Variants in ADCY2 observed in about 807,000 individuals in gnomAD.
ADCY2 encodes adenylate cyclase 2, also known as adenylate cyclase type 2.
ADCY2 carries 31 observed loss-of-function variants against 125.2 expected under a neutral mutation model. That is an observed-to-expected ratio of 0.25 (90% CI 0.19 to 0.33). The LOEUF (loss-of-function observed/expected upper bound fraction) is 0.33, where lower values mean the gene tolerates loss of function less well. ADCY2 is among the 10% of genes least tolerant of loss of function. ADCY2 has a pLI of 1.00. For synonymous variants in ADCY2, 512 were observed against 548.4 expected (o/e 0.93, Z 0.93); for missense variants, 904 against 1,418.2 (o/e 0.64, Z 5.82).
At chr5:7,799,577 G>A (rs764987305) in intron 20 of ADCY2, 1 of 152,286 alleles carries the variant, frequency 6.6e-6, no homozygotes, top group Non-Finnish European at 1.5e-5. Context: ...CTCCCCAGAA[G>A]CATTCACGGC....
intron 3 of ADCY2, among the ~76,000 whole-genome samples, chr5:7,542,705 T>G (rs1735031135): frequency 6.6e-6 from 1 of 152,248 alleles, no homozygotes; most frequent in South Asian, 2.1e-4. Flanking sequence ...TCAGCTGATT[T>G]GGTGAGGCCT....
At chr5:7,434,284 G>C (rs998952614) in intron 2 of ADCY2, among the ~76,000 whole-genome samples, 1 of 152,158 alleles carries the variant, frequency 6.6e-6, no homozygotes, top group Admixed American at 6.5e-5. Flanking sequence ...AATCAGTTGG[G>C]AACTAGATAA....
At chr5:7,527,692 T>C (rs1318767419) in intron 3 of ADCY2, among the ~76,000 whole-genome samples, 1 of 152,260 alleles carries the variant, frequency 6.6e-6, no homozygotes, top group African/African-American at 2.4e-5. Context: ...TTAATATATT[T>C]AAGTTGTGAT....
rs140453146 is a variant in ADCY2 at position 7,551,209 on chromosome 5, A to G, written c.570+30310A>G. 5.2e-4 allele frequency among the ~76,000 whole-genome samples: 76 copies of G among 147,572 alleles called. No homozygotes were observed. The Middle Eastern group carries it at 0.01, about 20-fold the overall frequency. Reference sequence around the variant, plus strand: ...ATCAGTCTTCCCTGCATCAAATTTCACTCTCTTGGTGGCTCTAAAAATCTT... The same window carrying G: ...ATCAGTCTTCCCTGCATCAAATTTCGCTCTCTTGGTGGCTCTAAAAATCTT... On this transcript the variant is annotated intron_variant, in intron 3 of 24. Transcript: ENST00000338316.
intron 3 of ADCY2, among the ~76,000 whole-genome samples, chr5:7,524,119 C>T (rs1049337857): frequency 5.9e-5 from 9 of 152,094 alleles, no homozygotes; most frequent in South Asian, 4.2e-4. Context: ...ATTCTCAGGC[C>T]ATGATGTATC....
chr5:7,490,150 A>G (rs767436255), intron 2 of ADCY2, among the ~76,000 whole-genome samples: 1 of 152,166 alleles, frequency 6.6e-6, no homozygotes, highest in African/African-American at 2.4e-5. Context: ...GAAAGTTTTC[A>G]TAGATTAAAA....
intron 4 of ADCY2, among the ~76,000 whole-genome samples, chr5:7,671,161 C>T (rs1579299460): frequency 6.6e-6 from 1 of 152,316 alleles, no homozygotes; most frequent in African/African-American, 2.4e-5. Flanking sequence ...TCCAGTCTTG[C>T]ATCTTCTTTA....
intron 7 of ADCY2, among the ~76,000 whole-genome samples, chr5:7,699,392 C>T (rs1258025816): frequency 3.3e-5 from 5 of 151,928 alleles, no homozygotes; most frequent in Admixed American, 1.3e-4. Context: ...CCACCGCGCC[C>T]GGCCAGTAAG....
intron 16 of ADCY2, among the ~76,000 whole-genome samples, chr5:7,758,698 T>C (rs6420056): frequency 0.96 from 145,697 of 152,062 alleles, 69,985 homozygotes; most frequent in East Asian, 1. Context: ...AATGAGGAGG[T>C]GAAGGCAGCA....
chr5:7,728,385 C>G (rs985825753), intron 14 of ADCY2, among the ~76,000 whole-genome samples: 1 of 152,108 alleles, frequency 6.6e-6, no homozygotes, highest in African/African-American at 2.4e-5. Flanking sequence ...CATGTATGTA[C>G]AGTTCCTTAG....
At chr5:7,540,682 G>A (rs535725316) in intron 3 of ADCY2, among the ~76,000 whole-genome samples, 2 of 152,168 alleles carry the variant, frequency 1.3e-5, no homozygotes, top group Non-Finnish European at 2.9e-5. Flanking sequence ...GGACACACTG[G>A]TGAGCATTTC....
intron 4 of ADCY2, among the ~76,000 whole-genome samples, chr5:7,663,584 C>T (rs1438669380): frequency 2.0e-5 from 3 of 152,302 alleles, no homozygotes; most frequent in South Asian, 4.1e-4. Flanking sequence ...GGTGTTTATT[C>T]CAGGTCCTTT....
intron 18 of ADCY2, among the ~76,000 whole-genome samples, chr5:7,775,375 C>T (rs1245028567): frequency 1.1e-4 from 16 of 151,878 alleles, no homozygotes; most frequent in Admixed American, 1.0e-3. Flanking sequence ...GCCACAGCGC[C>T]TGGCCTCTTT....
intron 2 of ADCY2, among the ~76,000 whole-genome samples, chr5:7,515,618 A>G (rs2126525543): frequency 6.6e-6 from 1 of 152,360 alleles, no homozygotes; most frequent in Admixed American, 6.5e-5. Context: ...TGGCGAGTCC[A>G]GTTGGAACAA....
rs187850829 is a variant in ADCY2 at position 7,763,451 on chromosome 5, T to G, written c.2095-3236T>G. Among the ~76,000 whole-genome samples the G allele has an allele frequency of 3.3e-3, 503 of 152,332 alleles. 6 individuals are homozygous for G. Among genetic ancestry groups the G allele is most frequent in the South Asian group, 0.027 (130 of 4,822 alleles). On this transcript the variant is annotated intron_variant, in intron 16 of 24. Transcript: ENST00000338316. ...AATAAGGTATATTATTGAACAATTT[T>G]TAAACATACAATTTAGTAACATTAA...
chr5:7,743,812 C>G, intron 15 of ADCY2, 60 bp downstream of exon 15: 4 of 1,550,702 alleles, frequency 2.6e-6, no homozygotes, highest in Non-Finnish European at 3.6e-6. Context: ...AAGCTGATTT[C>G]TTGCCTAAAA....
rs1049845831 is a variant in ADCY2 at position 7,787,304 on chromosome 5, C to T, written c.2470-2338C>T. ...TGCTAGACGCCTGCGCATGGCCTCC[C>T]GCCATGTCTCTGAGTCAAATCCCCC... On this transcript the variant is annotated intron_variant, in intron 19 of 24. Transcript: ENST00000338316. 3.3e-5 allele frequency among the ~76,000 whole-genome samples: 5 copies of T among 152,190 alleles called. No individual in the cohort carries two copies. In the South Asian group the frequency reaches 6.2e-4, roughly 19 times the overall value.
At chr5:7,798,979 G>C in intron 20 of ADCY2, 1 of 152,174 alleles carries the variant, frequency 6.6e-6, no homozygotes, top group East Asian at 1.9e-4. Context: ...TCCAAGATGG[G>C]GAAGATCTAG....
chr5:7,695,749 C>T lies in ADCY2; in HGVS notation c.870-3C>T, dbSNP rs749434410. The T allele has an allele frequency of 6.3e-7, 1 of 1,597,160 alleles. No individual in the cohort carries two copies. Among genetic ancestry groups the T allele is most frequent in the Non-Finnish European group, 8.5e-7 (1 of 1,170,966 alleles). On this transcript the variant is annotated splice_region_variant and splice_polypyrimidine_tract_variant and intron_variant, in intron 5 of 24. Transcript: ENST00000338316. ...TGTCTCCTCACCTCCTTTCTTCCCACAGCATCTTATACGCTGACATCGTTG... is the reference window on the plus strand; with the variant it reads ...TGTCTCCTCACCTCCTTTCTTCCCATAGCATCTTATACGCTGACATCGTTG...
Sources: gnomAD v4.1 joint callset for allele counts (sites outside exome capture counted in the v4.1 genomes callset) on GRCh38, gnomAD v4.1.1 for gene constraint, MANE v1.5 for transcripts, NCBI Gene and HGNC (gene_info 2026-07-23, HGNC 2026-07-21) for gene names.